The following GRID1 variants were observed in gnomAD, a reference collection of about 807,000 sequenced individuals.
The protein encoded by GRID1 is glutamate receptor ionotropic, delta-1.
GRID1 carries 28 observed loss-of-function variants against 98.0 expected under a neutral mutation model. That is an observed-to-expected ratio of 0.29 (90% CI 0.21 to 0.39). GRID1 has a LOEUF of 0.39. GRID1 is among the 10% of genes least tolerant of loss of function. The probability of loss-of-function intolerance (pLI) is 1.00; values close to 1 mark genes in which losing one functional copy is unlikely to be tolerated. For missense variants in GRID1, 1,111 were observed against 1,340.5 expected, an observed-to-expected ratio of 0.83 and a Z score of 2.67; for synonymous variants, 553 against 538.5, an observed-to-expected ratio of 1.03 and a Z score of -0.37.
chr10:86,084,009 G>C (rs150755510), intron 4 of GRID1, among the ~76,000 whole-genome samples: 1 of 152,182 alleles, frequency 6.6e-6, no homozygotes, highest in East Asian at 1.9e-4. Flanking sequence ...CATCAGCCTC[G>C]GTCTGGTTGT....
At chr10:85,663,353 C>A (rs1840986738) in intron 12 of GRID1, among the ~76,000 whole-genome samples, 1 of 152,144 alleles carries the variant, frequency 6.6e-6, no homozygotes, top group African/African-American at 2.4e-5. Flanking sequence ...CATCTACAAG[C>A]CAAAGAACAC....
At chr10:85,926,425 T>C (rs991373163) in intron 4 of GRID1, among the ~76,000 whole-genome samples, 5 of 152,192 alleles carry the variant, frequency 3.3e-5, no homozygotes, top group Non-Finnish European at 7.3e-5. Flanking sequence ...ATGTAAATTT[T>C]GCTTCACTTT....
At chr10:86,011,898 C>T (rs912059216) in intron 4 of GRID1, among the ~76,000 whole-genome samples, 3 of 152,192 alleles carry the variant, frequency 2.0e-5, no homozygotes, top group African/African-American at 7.2e-5. Flanking sequence ...GGGCTTACGC[C>T]TATAATCACA....
At chr10:86,154,482 C>T (rs1015173703) in intron 3 of GRID1, among the ~76,000 whole-genome samples, 3 of 152,108 alleles carry the variant, frequency 2.0e-5, no homozygotes, top group African/African-American at 7.2e-5. Flanking sequence ...ACAGTCCACA[C>T]CCTGGTCTCC....
At chr10:85,618,122 G>A (rs962016369) in intron 14 of GRID1, among the ~76,000 whole-genome samples, 2 of 152,204 alleles carry the variant, frequency 1.3e-5, no homozygotes, top group African/African-American at 2.4e-5. Context: ...CAAGACCCGG[G>A]TTCCTGGACT....
At chr10:85,688,212 C>T (rs941555791) in intron 12 of GRID1, among the ~76,000 whole-genome samples, 9 of 152,128 alleles carry the variant, frequency 5.9e-5, no homozygotes, top group East Asian at 3.8e-4. Flanking sequence ...AGGGGGAAGC[C>T]GTGAAGGCAG....
chr10:85,980,804 GCTT>G (rs1254275337), intron 4 of GRID1, among the ~76,000 whole-genome samples: 2 of 152,316 alleles, frequency 1.3e-5, no homozygotes, highest in East Asian at 3.9e-4. Flanking sequence ...CCCTGCATCT[GCTT>G]CTTAATAGAA....
intron 12 of GRID1, among the ~76,000 whole-genome samples, chr10:85,709,389 A>G (rs1841558480): frequency 6.6e-6 from 1 of 152,244 alleles, no homozygotes; most frequent in Admixed American, 6.5e-5. Context: ...CAGACAGTTT[A>G]TGGGGTATAT....
chr10:86,177,969 T>C (rs1414436307), intron 3 of GRID1, among the ~76,000 whole-genome samples: 2 of 152,146 alleles, frequency 1.3e-5, no homozygotes, highest in Non-Finnish European at 2.9e-5. Flanking sequence ...AAGAACATAC[T>C]ATGCTCCCCT....
At chr10:86,066,594 AC>A (rs1179221662) in intron 4 of GRID1, among the ~76,000 whole-genome samples, 1 of 152,106 alleles carries the variant, frequency 6.6e-6, no homozygotes, top group East Asian at 1.9e-4. Context: ...AAGTTCCTTA[AC>A]CTCTGAGTCT....
rs540788338 is a variant in GRID1, at chr10:86,005,089, A to T, written c.727-88850T>A. Among the ~76,000 whole-genome samples, 59 of 152,310 alleles carry T rather than the reference A, an allele frequency of 3.9e-4. No individual in the cohort carries two copies. In the Middle Eastern group the frequency reaches 0.01, roughly 26 times the overall value. On this transcript the variant is annotated intron_variant, in intron 4 of 15. Coordinates refer to ENST00000327946, the MANE Select transcript of GRID1 (RefSeq NM_017551.3). ...CCCAAAGTATATGGCAAGGACCTGG[A>T]TGGTGGGCATGCCTCAGCTCTGCTA...
chr10:86,224,482 T>C (rs1009220284), intron 2 of GRID1, among the ~76,000 whole-genome samples: 9 of 152,256 alleles, frequency 5.9e-5, no homozygotes, highest in East Asian at 3.9e-4. Context: ...CACAGCTGGA[T>C]CCATGGCTGC....
At chr10:85,677,869 C>A (rs1422536883) in intron 12 of GRID1, among the ~76,000 whole-genome samples, 1 of 151,992 alleles carries the variant, frequency 6.6e-6, no homozygotes, top group Non-Finnish European at 1.5e-5. Context: ...CATTTTGTAG[C>A]CTGGTGAGAT....
chr10:85,892,431 C>T (rs754024623), intron 5 of GRID1, among the ~76,000 whole-genome samples: 1 of 151,228 alleles, frequency 6.6e-6, no homozygotes, highest in African/African-American at 2.4e-5. Flanking sequence ...AGAAAAAATC[C>T]TAAAAGCAGC....
intron 4 of GRID1, among the ~76,000 whole-genome samples, chr10:85,985,751 G>A (rs1413615072): frequency 6.6e-6 from 1 of 152,168 alleles, no homozygotes; most frequent in Non-Finnish European, 1.5e-5. Flanking sequence ...AACACCTGGG[G>A]GTGGTGGGGG....
intron 12 of GRID1, among the ~76,000 whole-genome samples, chr10:85,705,214 G>C (rs1564565382): frequency 1.3e-5 from 2 of 152,144 alleles, no homozygotes; most frequent in Non-Finnish European, 2.9e-5. Flanking sequence ...AAAATTGATA[G>C]ACTCCTAGCA....
intron 4 of GRID1, among the ~76,000 whole-genome samples, chr10:85,980,696 T>C (rs1243348953): frequency 6.6e-6 from 1 of 152,200 alleles, no homozygotes; most frequent in Admixed American, 6.5e-5. Flanking sequence ...CAAAGAGTGC[T>C]GGCTGTCCCC....
At chr10:85,627,128 C>T (rs561170480) in intron 13 of GRID1, among the ~76,000 whole-genome samples, 13 of 152,140 alleles carry the variant, frequency 8.5e-5, no homozygotes, top group African/African-American at 2.9e-4. Context: ...TTTAAAAGAG[C>T]ATTGATTGTT....
chr10:86,122,756 C>G (rs12255431), intron 4 of GRID1, among the ~76,000 whole-genome samples: 6,828 of 152,298 alleles, frequency 0.045, 516 homozygotes, highest in African/African-American at 0.15. Flanking sequence ...TTTAACTGGC[C>G]TCTGAAGTCT....
Sources: gnomAD v4.1 joint callset for allele counts (sites outside exome capture counted in the v4.1 genomes callset) on GRCh38, gnomAD v4.1.1 for gene constraint, MANE v1.5 for transcripts, NCBI Gene and HGNC (gene_info 2026-07-23, HGNC 2026-07-21) for gene names.